NCAM2: variants seen among roughly 807,000 people sequenced by gnomAD.
NCAM2 encodes neural cell adhesion molecule 2.
A neutral mutation model predicts 98.1 loss-of-function variants in NCAM2; 30 were observed. That is an observed-to-expected ratio of 0.31 (90% CI 0.23 to 0.41). The LOEUF (loss-of-function observed/expected upper bound fraction) is 0.41, where lower values mean the gene tolerates loss of function less well. Among genes scored for constraint, NCAM2 ranks in the 10% least tolerant of loss-of-function variants. The pLI is 1.00. For missense variants in NCAM2, 867 were observed against 1,005.8 expected (o/e 0.86, Z 1.87); for synonymous variants, 368 against 342.4 (o/e 1.07, Z -0.83).
At position 21,410,926 on chromosome 21, in the gene NCAM2, G is replaced by T. The variant is rs527358262; in HGVS notation, c.1383+465G>T. ...GGAGGCTGAGGCAGGAGAATCACTTGAACTTGGGAGGTGGAGGTTGCAGTG... is the reference window on the plus strand; with the variant it reads ...GGAGGCTGAGGCAGGAGAATCACTTTAACTTGGGAGGTGGAGGTTGCAGTG... On this transcript the variant is annotated intron_variant, in intron 10 of 17. Transcript: ENST00000400546. Among the ~76,000 whole-genome samples, 11 of 146,220 alleles carry T rather than the reference G, an allele frequency of 7.5e-5. No homozygotes were observed. The East Asian group carries it at 2.3e-3, about 30-fold the overall frequency.
At chr21:21,500,837 C>A (rs757783315) in intron 15 of NCAM2, among the ~76,000 whole-genome samples, 31 of 152,146 alleles carry the variant, frequency 2.0e-4, no homozygotes, top group East Asian at 1.4e-3. Context: ...TCTCTCTTCA[C>A]AACTCCATAA....
intron 1 of NCAM2, among the ~76,000 whole-genome samples, chr21:21,053,059 T>G (rs914210232): frequency 5.3e-5 from 8 of 151,946 alleles, no homozygotes; most frequent in Non-Finnish European, 1.2e-4. Flanking sequence ...ATTGAATAGT[T>G]GAAAAAAAAA....
intron 1 of NCAM2, among the ~76,000 whole-genome samples, chr21:21,046,734 G>A (rs2065013170): frequency 6.6e-6 from 1 of 151,988 alleles, no homozygotes; most frequent in African/African-American, 2.4e-5. Context: ...ATTCTTACTG[G>A]TTTGTTTTGT....
At chr21:21,226,314 A>T (rs1282646534) in intron 1 of NCAM2, among the ~76,000 whole-genome samples, 2 of 152,086 alleles carry the variant, frequency 1.3e-5, no homozygotes, top group East Asian at 3.9e-4. Flanking sequence ...AAATTAAAAT[A>T]AATAAAAAAT....
intron 1 of NCAM2, among the ~76,000 whole-genome samples, chr21:21,067,657 A>G (rs560736947): frequency 1.1e-4 from 17 of 152,306 alleles, no homozygotes; most frequent in African/African-American, 3.8e-4. Flanking sequence ...TAACATAATC[A>G]TTCTACTTAT....
rs143547917 is a variant in NCAM2, at chr21:21,221,890, G to A, written c.56-58688G>A. On this transcript the variant is annotated intron_variant, in intron 1 of 17. Coordinates refer to ENST00000400546, the MANE Select transcript of NCAM2 (RefSeq NM_004540.5). ...CATCTATGTGACTTTCATAGCTACA[G>A]AGAAGTAAATGCCGGGCTTCAAACC... Among the ~76,000 whole-genome samples the A allele has an allele frequency of 6.6e-3, 1,004 of 152,244 alleles. 6 individuals are homozygous for A. The highest frequency in any genetic ancestry group is 0.01 in the Non-Finnish European group (685 of 68,004).
rs762893611 is a variant in NCAM2 at position 20,998,631 on chromosome 21, C to G, written c.55+13C>G. ...AGTAGCGGGCAAGGTAGGAGTGTGG[C>G]GCTTTATTGCATTTACTTTCCCTCC... On this transcript the variant is annotated intron_variant, in intron 1 of 17. Coordinates refer to ENST00000400546, the MANE Select transcript of NCAM2 (RefSeq NM_004540.5). The G allele has an allele frequency of 2.3e-5, 37 of 1,612,940 alleles. No homozygotes were observed. Among genetic ancestry groups the G allele is most frequent in the Non-Finnish European group, 2.9e-5 (34 of 1,179,150 alleles).
chr21:21,475,159 T>A (rs1339555988), intron 14 of NCAM2, among the ~76,000 whole-genome samples: 1 of 152,144 alleles, frequency 6.6e-6, no homozygotes, highest in East Asian at 1.9e-4. Flanking sequence ...CTTTTTGGAT[T>A]TAAAGCTGTG....
At chr21:21,158,173 G>T (rs982051470) in intron 1 of NCAM2, among the ~76,000 whole-genome samples, 1 of 152,118 alleles carries the variant, frequency 6.6e-6, no homozygotes, top group Non-Finnish European at 1.5e-5. Flanking sequence ...ACAGACTATG[G>T]AATATAGTGT....
chr21:21,014,301 G>A (rs760196388), intron 1 of NCAM2, among the ~76,000 whole-genome samples: 1 of 152,002 alleles, frequency 6.6e-6, no homozygotes, highest in Non-Finnish European at 1.5e-5. Flanking sequence ...GTGCACACCT[G>A]TAGTTCCAGC....
chr21:21,022,253 CTTT>C (rs1402221476), intron 1 of NCAM2, among the ~76,000 whole-genome samples: 3 of 151,958 alleles, frequency 2.0e-5, no homozygotes, highest in Non-Finnish European at 4.4e-5. Context: ...GTTTTTCCTT[CTTT>C]ATTTAGATTA....
At chr21:21,277,289 C>G (rs985922785) in intron 1 of NCAM2, among the ~76,000 whole-genome samples, 4 of 151,960 alleles carry the variant, frequency 2.6e-5, no homozygotes, top group African/African-American at 9.7e-5. Flanking sequence ...GATGAATGAG[C>G]CCTCACTTCC....
intron 15 of NCAM2, among the ~76,000 whole-genome samples, chr21:21,494,446 T>C (rs558368962): frequency 6.6e-6 from 1 of 151,356 alleles, no homozygotes; most frequent in Non-Finnish European, 1.5e-5. Flanking sequence ...TCTTTTACAC[T>C]GGCTAATACA....
chr21:21,444,516 G>A (rs1249765630), intron 12 of NCAM2, among the ~76,000 whole-genome samples: 1 of 151,982 alleles, frequency 6.6e-6, no homozygotes, highest in Admixed American at 6.6e-5. Flanking sequence ...TTCAGAACTT[G>A]TTATTGTTCT....
chr21:21,140,045 A>C (rs1465380057), intron 1 of NCAM2, among the ~76,000 whole-genome samples: 1 of 152,170 alleles, frequency 6.6e-6, no homozygotes, highest in Admixed American at 6.6e-5. Flanking sequence ...GGTGGGTTCT[A>C]AGATTTATCC....
intron 1 of NCAM2, among the ~76,000 whole-genome samples, chr21:21,113,699 T>A (rs2066497759): frequency 6.6e-6 from 1 of 152,202 alleles, no homozygotes; most frequent in South Asian, 2.1e-4. Flanking sequence ...CTCTTAACGT[T>A]GACAAAATTT....
At position 21,500,247 on chromosome 21, in the gene NCAM2, T is replaced by A. The variant is rs534998531; in HGVS notation, c.2078-8604T>A. Among the ~76,000 whole-genome samples the A allele has an allele frequency of 2.4e-4, 36 of 152,278 alleles. 1 individual carries two copies. The East Asian group carries it at 3.9e-3, about 16-fold the overall frequency. On this transcript the variant is annotated intron_variant, in intron 15 of 17. Coordinates refer to ENST00000400546, the MANE Select transcript of NCAM2 (RefSeq NM_004540.5). ...AATTTGCCATGATTTTTCTCTTTTT[T>A]CTCTAATTGATACAATTAAAGGAGT...
chr21:21,089,056 C>A (rs2065961456), intron 1 of NCAM2, among the ~76,000 whole-genome samples: 2 of 146,792 alleles, frequency 1.4e-5, no homozygotes, highest in Admixed American at 1.3e-4. Flanking sequence ...TGGTATTTAG[C>A]TAAATTATGT....
intron 1 of NCAM2, among the ~76,000 whole-genome samples, chr21:21,012,138 G>A (rs1262881967): frequency 6.6e-6 from 1 of 152,150 alleles, no homozygotes; most frequent in Non-Finnish European, 1.5e-5. Context: ...ATCCAGGTTA[G>A]TGACTGCCAG....
Sources: gnomAD v4.1 joint callset for allele counts (sites outside exome capture counted in the v4.1 genomes callset) on GRCh38, gnomAD v4.1.1 for gene constraint, MANE v1.5 for transcripts, NCBI Gene and HGNC (gene_info 2026-07-23, HGNC 2026-07-21) for gene names.